TAFA5: variants seen among roughly 807,000 people sequenced by gnomAD.
The protein encoded by TAFA5 is chemokine-like protein TAFA-5.
A neutral mutation model predicts 15.3 loss-of-function variants in TAFA5; 6 were observed. The observed-to-expected ratio is 0.39, with a 90% CI of 0.21 to 0.77. The LOEUF (loss-of-function observed/expected upper bound fraction) is 0.77, where lower values mean the gene tolerates loss of function less well. Among genes scored for constraint, TAFA5 ranks in the 30% least tolerant of loss-of-function variants. The pLI is 0.41. For synonymous variants in TAFA5, 103 were observed against 80.7 expected, an observed-to-expected ratio of 1.28 and a Z score of -1.48; for missense variants, 161 against 193.1, an observed-to-expected ratio of 0.83 and a Z score of 0.98.
At chr22:48,605,313 T>G (rs1601609929) in intron 1 of TAFA5, among the ~76,000 whole-genome samples, 1 of 117,124 alleles carries the variant, frequency 8.5e-6, no homozygotes, top group Admixed American at 8.8e-5. Flanking sequence ...GTGATGATGG[T>G]GGTGATGGTG....
intron 1 of TAFA5, chr22:48,576,384 C>G (rs1205373837): frequency 1.6e-5 from 19 of 1,221,664 alleles, no homozygotes; most frequent in Non-Finnish European, 1.9e-5. Context: ...AGGGCGCGAG[C>G]GGGCGGCCGC....
chr22:48,714,008 C>T (rs959654526), intron 3 of TAFA5, among the ~76,000 whole-genome samples: 8 of 152,242 alleles, frequency 5.3e-5, no homozygotes, highest in African/African-American at 1.9e-4. Flanking sequence ...GCCCAGTCCT[C>T]CCGTGTCTGT....
intron 3 of TAFA5, among the ~76,000 whole-genome samples, chr22:48,712,881 G>T (rs1410814441): frequency 2.0e-5 from 3 of 152,248 alleles, no homozygotes; most frequent in African/African-American, 7.2e-5. Flanking sequence ...GGCAGGGCTG[G>T]TGGGGCCGAG....
intron 1 of TAFA5, among the ~76,000 whole-genome samples, chr22:48,500,805 C>G (rs1268999429): frequency 6.6e-6 from 1 of 152,226 alleles, no homozygotes; most frequent in African/African-American, 2.4e-5. Flanking sequence ...ACAGACAGGG[C>G]TGGGGGACTC....
At chr22:48,583,411 T>TC (rs1924172913) in intron 1 of TAFA5, among the ~76,000 whole-genome samples, 1 of 109,474 alleles carries the variant, frequency 9.1e-6, no homozygotes, top group Non-Finnish European at 1.8e-5. Flanking sequence ...ACACACAAAA[T>TC]ACGCCACACA....
intron 3 of TAFA5, among the ~76,000 whole-genome samples, chr22:48,744,571 C>T (rs1157043438): frequency 6.6e-6 from 1 of 152,144 alleles, no homozygotes; most frequent in Non-Finnish European, 1.5e-5. Context: ...ATGGGCTTTG[C>T]AGGGCACTCG....
intron 2 of TAFA5, among the ~76,000 whole-genome samples, chr22:48,655,536 G>A (rs6010561): frequency 0.073 from 11,109 of 152,170 alleles, 1,342 homozygotes; most frequent in African/African-American, 0.25. Flanking sequence ...CCAGGCTCCC[G>A]CAGTCAAGTC....
At position 48,693,726 on chromosome 22, in the gene TAFA5, C is replaced by T. The variant is rs187103232; in HGVS notation, c.263-13991C>T. On this transcript the variant is annotated intron_variant, in intron 2 of 3. Transcript: ENST00000402357. ...TTCCTACTCTCTCTCAGTCCTGCTC[C>T]GGGCCTTGGTTTCTGAGGGCCTCCC... 1.9e-3 allele frequency among the ~76,000 whole-genome samples: 296 copies of T among 152,306 alleles called. 1 individual carries two copies. The highest frequency in any genetic ancestry group is 3.2e-3 in the Non-Finnish European group (219 of 68,030).
intron 2 of TAFA5, among the ~76,000 whole-genome samples, chr22:48,669,355 G>A (rs1927728305): frequency 6.6e-6 from 1 of 152,250 alleles, no homozygotes; most frequent in African/African-American, 2.4e-5. Flanking sequence ...AAACCTATCA[G>A]GCAAAAGGAG....
chr22:48,664,491 C>T (rs1927547724), intron 2 of TAFA5, among the ~76,000 whole-genome samples: 2 of 152,120 alleles, frequency 1.3e-5, no homozygotes, highest in African/African-American at 4.8e-5. Context: ...GGCTTAGAAG[C>T]CCAAAATAGG....
At chr22:48,505,015 C>T (rs780366639) in intron 1 of TAFA5, among the ~76,000 whole-genome samples, 83 of 152,194 alleles carry the variant, frequency 5.5e-4, no homozygotes, top group Non-Finnish European at 1.1e-3. Context: ...CACTGGAGCC[C>T]GGGACACTGT....
At chr22:48,690,116 T>TC (rs1294423834) in intron 2 of TAFA5, among the ~76,000 whole-genome samples, 1 of 151,652 alleles carries the variant, frequency 6.6e-6, no homozygotes, top group Admixed American at 6.6e-5. Context: ...GGGCCTGTGC[T>TC]CCCCCCACCC....
rs1922883136 is a variant in TAFA5 at position 48,552,264 on chromosome 22, C to T, written c.112+62560C>T. ...GCCAGCTGCCTTTGCTTGCTGGTGT[C>T]CTGGTGCCTGGCTGCTGTCACCCAG... On this transcript the variant is annotated intron_variant, in intron 1 of 3. Coordinates refer to ENST00000402357, the MANE Select transcript of TAFA5 (RefSeq NM_001082967.3). This position sits in a 1 kb window ranked among gnomAD's most constrained non-coding sequence, Gnocchi z 4.1. 6.6e-6 allele frequency among the ~76,000 whole-genome samples: 1 copy of T among 152,146 alleles called. No individual in the cohort carries two copies. Among genetic ancestry groups the T allele is most frequent in the African/African-American group, 2.4e-5 (1 of 41,436 alleles).
intron 1 of TAFA5, among the ~76,000 whole-genome samples, chr22:48,505,421 CAGA>C (rs1188927444): frequency 4.6e-5 from 7 of 152,214 alleles, no homozygotes; most frequent in Admixed American, 1.3e-4. Flanking sequence ...CCCCCTTTTA[CAGA>C]AGAAGATACA....
chr22:48,683,493 C>T (rs182529863), intron 2 of TAFA5, among the ~76,000 whole-genome samples: 51 of 152,294 alleles, frequency 3.3e-4, no homozygotes, highest in African/African-American at 1.2e-3. Context: ...AAGAGGCTCT[C>T]TTGGCCAAAG....
At chr22:48,707,885 G>C (rs747294363) in intron 3 of TAFA5, 41 bp downstream of exon 3, 1 of 1,597,220 alleles carries the variant, frequency 6.3e-7, no homozygotes, top group Non-Finnish European at 8.5e-7. Flanking sequence ...GCTGGGGAGG[G>C]GGTATGTGTG....
intron 3 of TAFA5, among the ~76,000 whole-genome samples, chr22:48,715,166 G>A (rs981990160): frequency 6.6e-6 from 1 of 152,168 alleles, no homozygotes; most frequent in Non-Finnish European, 1.5e-5. Flanking sequence ...GAACTCACCC[G>A]GCCCAGATCA....
intron 1 of TAFA5, among the ~76,000 whole-genome samples, chr22:48,548,220 G>A (rs543727339): frequency 6.6e-6 from 1 of 152,318 alleles, no homozygotes; most frequent in South Asian, 2.1e-4. Context: ...ACACCCATTA[G>A]GATTGCTCTT....
chr22:48,647,954 C>T (rs939089984), intron 2 of TAFA5, among the ~76,000 whole-genome samples: 3 of 152,178 alleles, frequency 2.0e-5, no homozygotes, highest in Non-Finnish European at 2.9e-5. Flanking sequence ...TGGGGTTGCC[C>T]TCGAGCTGCG....
Sources: gnomAD v4.1 joint callset for allele counts (sites outside exome capture counted in the v4.1 genomes callset) on GRCh38, gnomAD v4.1.1 for gene constraint, Gnocchi (gnomAD v3.1) non-coding constraint, MANE v1.5 for transcripts, NCBI Gene and HGNC (gene_info 2026-07-23, HGNC 2026-07-21) for gene names.